LRMDA: variants seen among roughly 807,000 people sequenced by gnomAD.
LRMDA encodes leucine rich melanocyte differentiation associated.
In LRMDA, 18 loss-of-function variants were observed where a neutral mutation model predicts 29.8. The ratio of observed to expected loss-of-function variants is 0.60; its 90% confidence interval spans 0.42 to 0.90. LRMDA has a LOEUF of 0.90. Ranked by LOEUF, LRMDA falls within the 40% of genes least tolerant of loss-of-function variation. The pLI is 0.00. For missense variants in LRMDA, 273 were observed against 273.9 expected, an observed-to-expected ratio of 1.00 and a Z score of 0.02; for synonymous variants, 125 against 109.4, an observed-to-expected ratio of 1.14 and a Z score of -0.89.
intron 2 of LRMDA, among the ~76,000 whole-genome samples, chr10:75,528,567 T>A (rs1371461873): frequency 6.6e-6 from 1 of 152,148 alleles, no homozygotes; most frequent in East Asian, 1.9e-4. Flanking sequence ...TGAAAGTACT[T>A]CCCCTGAACT....
intron 6 of LRMDA, among the ~76,000 whole-genome samples, chr10:76,490,184 G>A (rs1842818894): frequency 6.6e-6 from 1 of 151,890 alleles, no homozygotes; most frequent in Non-Finnish European, 1.5e-5. Flanking sequence ...TATTTTGAGT[G>A]TTTTAAGACT....
At chr10:76,105,202 T>C (rs1304639551) in intron 5 of LRMDA, among the ~76,000 whole-genome samples, 1 of 152,188 alleles carries the variant, frequency 6.6e-6, no homozygotes, top group African/African-American at 2.4e-5. Context: ...TATATATTTA[T>C]TGACATAAAT....
chr10:76,486,452 A>G (rs993304054), intron 6 of LRMDA, among the ~76,000 whole-genome samples: 1 of 151,894 alleles, frequency 6.6e-6, no homozygotes, highest in Non-Finnish European at 1.5e-5. Context: ...CTGCACGTAC[A>G]TAGGTCAAGT....
chr10:75,672,406 A>C (rs968350271), intron 2 of LRMDA, among the ~76,000 whole-genome samples: 1 of 151,612 alleles, frequency 6.6e-6, no homozygotes, highest in Admixed American at 6.6e-5. Flanking sequence ...GGCTGCTTTG[A>C]AGGCACTGGT....
intron 6 of LRMDA, among the ~76,000 whole-genome samples, chr10:76,381,134 C>T (rs1337669772): frequency 7.0e-6 from 1 of 143,386 alleles, no homozygotes; most frequent in Non-Finnish European, 1.5e-5. Context: ...AAATCTAATT[C>T]TCATTAATTG....
intron 2 of LRMDA, among the ~76,000 whole-genome samples, chr10:75,742,403 G>A (rs1275288978): frequency 6.6e-6 from 1 of 152,222 alleles, no homozygotes; most frequent in African/African-American, 2.4e-5. Context: ...GGCCACCCAG[G>A]TGGCAAAGAG....
intron 4 of LRMDA, among the ~76,000 whole-genome samples, chr10:76,049,545 T>A (rs1190225350): frequency 6.6e-6 from 1 of 152,168 alleles, no homozygotes; most frequent in Non-Finnish European, 1.5e-5. Context: ...TTTTTTACTG[T>A]TGGTTTGATG....
chr10:76,392,211 A>G (rs1841730805), intron 6 of LRMDA, among the ~76,000 whole-genome samples: 3 of 152,106 alleles, frequency 2.0e-5, no homozygotes, highest in Admixed American at 6.6e-5. Flanking sequence ...TATCTCGGTA[A>G]TCCCATCTTC....
intron 5 of LRMDA, among the ~76,000 whole-genome samples, chr10:76,280,996 A>C (rs1320595602): frequency 1.3e-5 from 2 of 152,300 alleles, no homozygotes; most frequent in Middle Eastern, 3.4e-3. Flanking sequence ...TTTAGCAGTT[A>C]TTTAGTCCAA....
intron 2 of LRMDA, among the ~76,000 whole-genome samples, chr10:75,972,744 C>A (rs1039616682): frequency 1.3e-5 from 2 of 152,028 alleles, no homozygotes; most frequent in Non-Finnish European, 2.9e-5. Context: ...CAGCAGTGTG[C>A]GTCAGAAGCC....
intron 2 of LRMDA, among the ~76,000 whole-genome samples, chr10:75,513,191 G>GT (rs1053112230): frequency 3.9e-5 from 6 of 152,226 alleles, no homozygotes; most frequent in South Asian, 2.1e-4. Flanking sequence ...GATTGAAGGA[G>GT]TTTTTTCCCC....
chr10:76,002,276 A>G (rs781271846), intron 2 of LRMDA, among the ~76,000 whole-genome samples: 3 of 152,176 alleles, frequency 2.0e-5, no homozygotes, highest in Non-Finnish European at 4.4e-5. Flanking sequence ...AAATACTGCA[A>G]CTTCAAATAC....
chr10:75,633,909 A>G (rs1841358616), intron 2 of LRMDA, among the ~76,000 whole-genome samples: 1 of 152,248 alleles, frequency 6.6e-6, no homozygotes, highest in Non-Finnish European at 1.5e-5. Flanking sequence ...AAATAAAACC[A>G]AAGAGTTAAA....
At chr10:75,438,755 C>T (rs1330772233) in intron 2 of LRMDA, among the ~76,000 whole-genome samples, 1 of 152,146 alleles carries the variant, frequency 6.6e-6, no homozygotes, top group South Asian at 2.1e-4. Flanking sequence ...TATGAGAGAG[C>T]CGTCATATTT....
chr10:75,923,003 C>T lies in LRMDA; in HGVS notation c.132-113005C>T, dbSNP rs183553856. Among the ~76,000 whole-genome samples the T allele has an allele frequency of 5.5e-4, 84 of 152,320 alleles. 1 individual carries two copies. The highest frequency in any genetic ancestry group is 8.7e-4 in the Non-Finnish European group (59 of 68,022). The stretch of plus-strand genomic sequence containing the variant: ...AAAGTCACTCTAAGGGATACTGATA[C>T]TATTTTACAAATGGGGGCCCAGAGA... On this transcript the variant is annotated intron_variant, in intron 2 of 6. Transcript: ENST00000611255.
chr10:76,078,042 G>A (rs1040107483), intron 5 of LRMDA, among the ~76,000 whole-genome samples: 34 of 105,664 alleles, frequency 3.2e-4, no homozygotes, highest in Non-Finnish European at 1.9e-4. Flanking sequence ...ATGGAGTCTC[G>A]CTCTGTCGCC....
Position 76,411,025 on chromosome 10 carries a change from A to AGCAAGAGATGCAATTCAT in LRMDA, c.601+86551_601+86568dup, listed in dbSNP as rs532878303. Among the ~76,000 whole-genome samples, 150 of 152,312 alleles carry AGCAAGAGATGCAATTCAT rather than the reference A, an allele frequency of 9.8e-4. 1 individual carries two copies. The highest frequency in any genetic ancestry group is 3.5e-3 in the African/African-American group (144 of 41,572). ...GCAGGGAGACCATAGAGGGGGTTGG[A>AGCAAGAGATGCAATTCAT]GCAAGAGATGCAATTCATGCAAGAG... On this transcript the variant is annotated intron_variant, in intron 6 of 6. Transcript: ENST00000611255.
chr10:75,835,065 TC>T, intron 2 of LRMDA, among the ~76,000 whole-genome samples: 1 of 152,372 alleles, frequency 6.6e-6, no homozygotes, highest in African/African-American at 2.4e-5. Context: ...GTATTCGTTT[TC>T]TATTGTCATT....
chr10:76,403,067 C>T (rs1413478719), intron 6 of LRMDA, among the ~76,000 whole-genome samples: 2 of 151,640 alleles, frequency 1.3e-5, no homozygotes, highest in African/African-American at 4.8e-5. Context: ...TGCATGTTGC[C>T]CTTCATCAAA....
Sources: gnomAD v4.1 joint callset for allele counts (sites outside exome capture counted in the v4.1 genomes callset) on GRCh38, gnomAD v4.1.1 for gene constraint, MANE v1.5 for transcripts, NCBI Gene and HGNC (gene_info 2026-07-23, HGNC 2026-07-21) for gene names.